Variants in ACO2 observed in about 807,000 individuals in gnomAD.
ACO2 encodes aconitate hydratase, mitochondrial.
A neutral mutation model predicts 84.5 loss-of-function variants in ACO2; 31 were observed. The ratio of observed to expected loss-of-function variants is 0.37; its 90% CI spans 0.28 to 0.50. The LOEUF is 0.50. ACO2 is among the 20% of genes least tolerant of loss of function. The pLI is 0.97. For synonymous variants in ACO2, 414 were observed against 412.7 expected (o/e 1.00, Z -0.04); for missense variants, 685 against 1,029.3 (o/e 0.67, Z 4.58).
At chr22:41,487,689 C>T (rs537776206) in intron 1 of ACO2, among the ~76,000 whole-genome samples, 1 of 152,026 alleles carries the variant, frequency 6.6e-6, no homozygotes, top group South Asian at 2.1e-4. Context: ...ATCTATACTT[C>T]TAGATGAATC....
chr22:41,520,089 G>A, intron 8 of ACO2, 82 bp from the exon 9 acceptor site: 1 of 1,229,148 alleles, frequency 8.1e-7, no homozygotes, highest in African/African-American at 1.5e-5. Flanking sequence ...GTGGGGACGT[G>A]GTGAGGCAGT....
chr22:41,515,572 G>A lies in ACO2; in HGVS notation c.684+37G>A, dbSNP rs770611238. ...GAGGGACTCATTCTGGGCTGGCTGT[G>A]GGGTGGTGGTTGGTGGGGATGAACG... On this transcript the variant is annotated intron_variant, in intron 5 of 17. Coordinates refer to ENST00000216254, the MANE Select transcript of ACO2 (RefSeq NM_001098.3). The surrounding 1 kb of genome is among the most constrained non-coding windows in gnomAD (Gnocchi z 5.8). 4 of 1,589,318 alleles carry A rather than the reference G, an allele frequency of 2.5e-6. 1 individual carries two copies. The Admixed American group carries it at 5.2e-5, about 21-fold the overall frequency.
At chr22:41,471,533 A>G (rs563397012) in intron 1 of ACO2, among the ~76,000 whole-genome samples, 1 of 152,268 alleles carries the variant, frequency 6.6e-6, no homozygotes, top group South Asian at 2.1e-4. Flanking sequence ...CTGAGCGCCC[A>G]ATGCTTGTTC....
At chr22:41,476,334 G>A (rs1260002227) in intron 1 of ACO2, among the ~76,000 whole-genome samples, 1 of 151,760 alleles carries the variant, frequency 6.6e-6, no homozygotes, top group Admixed American at 6.6e-5. Flanking sequence ...TTGAACCTGG[G>A]AGGCGGAGGT....
chr22:41,480,930 C>T (rs1354161811), intron 1 of ACO2, among the ~76,000 whole-genome samples: 1 of 152,114 alleles, frequency 6.6e-6, no homozygotes, highest in African/African-American at 2.4e-5. Flanking sequence ...ATTCTCCCAC[C>T]TCAGTCTCCT....
intron 1 of ACO2, among the ~76,000 whole-genome samples, chr22:41,474,661 C>T (rs1304513340): frequency 3.1e-5 from 4 of 130,700 alleles, no homozygotes; most frequent in South Asian, 5.1e-4. Context: ...TGCAGTGGCG[C>T]GATCTTGGCT....
chr22:41,513,098 G>T (rs1175216481), intron 4 of ACO2, among the ~76,000 whole-genome samples: 1 of 152,190 alleles, frequency 6.6e-6, no homozygotes, highest in Non-Finnish European at 1.5e-5. Flanking sequence ...GCGTGGAATG[G>T]CCGTTTGCAG....
rs1601919240 is a variant in ACO2 at position 41,517,444 on chromosome 22, T to TGAAGATGCA, written c.836-81_836-73dup. The TGAAGATGCA allele has an allele frequency of 8.5e-6, 9 of 1,060,770 alleles. No individual in the cohort carries two copies. In the East Asian group the frequency reaches 2.0e-4, roughly 24 times the overall value. The allele number at this position is 1,060,770 out of a possible 1,614,324, so 65.7% of individuals were successfully genotyped here. A position where few individuals can be genotyped will look rare whatever the true frequency, so the allele number is the denominator to read the frequency against. On this transcript the variant is annotated intron_variant, in intron 6 of 17. Transcript: ENST00000216254. ...GGAGAAGCAATGCAGCTCCCTGGTG[T>TGAAGATGCA]GAAGATGCAGGTGGCCGCGTAGCAG... is the stretch of plus-strand genomic sequence containing the variant.
At chr22:41,525,496 G>A (rs2066575264) in intron 14 of ACO2, 148 bp downstream of exon 14, 2 of 1,048,962 alleles carry the variant, frequency 1.9e-6, no homozygotes, top group African/African-American at 1.6e-5. Flanking sequence ...AGAGCAGAGA[G>A]GGTATCGCAA....
intron 1 of ACO2, among the ~76,000 whole-genome samples, chr22:41,482,030 C>T (rs1001762867): frequency 2.0e-5 from 3 of 152,200 alleles, no homozygotes; most frequent in Non-Finnish European, 2.9e-5. Flanking sequence ...GTTGTCATCT[C>T]GCCAGCAGCA....
rs966496107 is a variant in ACO2 at position 41,520,179 on chromosome 22, A to G, written c.1041A>G (p.Pro347=). ...CATGTTTGTTTCTTCAGCTGAAGCC[A>G]CACATCAATGGGCCCTTCACCCCTG... ...LIEINLSELK[P]HINGPFTPDL... is the part of the protein sequence containing the mutation. The change falls in exon 9 of 18, where the codon CCA becomes CCG. Residue 347 remains proline (P), a synonymous_variant. Coordinates refer to ENST00000216254, the MANE Select transcript of ACO2 (RefSeq NM_001098.3). 1 of 1,612,766 alleles carries G rather than the reference A, an allele frequency of 6.2e-7. No homozygotes were observed. Among genetic ancestry groups the G allele is most frequent in the South Asian group, 1.1e-5 (1 of 91,008 alleles).
At chr22:41,516,348 C>T (rs1484361578) in intron 6 of ACO2, among the ~76,000 whole-genome samples, 1 of 152,260 alleles carries the variant, frequency 6.6e-6, no homozygotes, top group Non-Finnish European at 1.5e-5. Context: ...TCGAGCCTCA[C>T]TCACTTCCCT....
intron 16 of ACO2, 21 bp downstream of exon 16, chr22:41,527,441 A>T (rs1457899049): frequency 6.3e-7 from 1 of 1,596,512 alleles, no homozygotes. Context: ...GTCTGTACCC[A>T]GGCCATCCTC....
In ACO2 at chr22:41,472,155, C is replaced by G. The variant is rs1429991415; in HGVS notation, c.36+2973C>G. ...GGATCACAAGGTCAGGAGTTCGAGACCAGCCTGGCCAATATGGTGAAACCC... is the reference window on the plus strand; with the variant it reads ...GGATCACAAGGTCAGGAGTTCGAGAGCAGCCTGGCCAATATGGTGAAACCC... On this transcript the variant is annotated intron_variant, in intron 1 of 17. Coordinates refer to ENST00000216254, the MANE Select transcript of ACO2 (RefSeq NM_001098.3). Among the ~76,000 whole-genome samples, 3 of 152,098 alleles carry G rather than the reference C, an allele frequency of 2.0e-5. No individual in the cohort carries two copies. In the East Asian group the frequency reaches 5.8e-4, roughly 29 times the overall value.
rs372545122 is a variant in ACO2 at position 41,510,101 on chromosome 22, G to A, written c.433-1775G>A. 2.6e-5 allele frequency among the ~76,000 whole-genome samples: 4 copies of A among 152,274 alleles called. No homozygotes were observed. The South Asian group carries it at 6.2e-4, about 24-fold the overall frequency. ...TCCACCCACCTCGGCCTCCCAAAGT[G>A]CTGGGATTATAGGTGTGAGCCACCA... On this transcript the variant is annotated intron_variant, in intron 3 of 17. Coordinates refer to ENST00000216254, the MANE Select transcript of ACO2 (RefSeq NM_001098.3).
intron 1 of ACO2, among the ~76,000 whole-genome samples, chr22:41,470,578 T>C (rs1214836833): frequency 7.2e-6 from 1 of 138,788 alleles, no homozygotes; most frequent in Non-Finnish European, 1.5e-5. Flanking sequence ...AGTCTTGCTC[T>C]GTCACCCAGG....
intron 1 of ACO2, among the ~76,000 whole-genome samples, chr22:41,480,593 C>G (rs58744979): frequency 3.3e-5 from 5 of 152,116 alleles, no homozygotes; most frequent in Admixed American, 3.3e-4. Flanking sequence ...TTCTCCCAGG[C>G]GAACTGAGTA....
chr22:41,523,712 A>C, intron 11 of ACO2, 118 bp from the exon 12 acceptor site: 1 of 946,910 alleles, frequency 1.1e-6, no homozygotes, highest in Non-Finnish European at 1.7e-6. Context: ...GGGCCTCTTC[A>C]TTTTCCCTCG....
At chr22:41,477,450 C>A (rs1324302324) in intron 1 of ACO2, among the ~76,000 whole-genome samples, 5 of 151,928 alleles carry the variant, frequency 3.3e-5, no homozygotes, top group Non-Finnish European at 4.4e-5. Context: ...TGAGCCACCG[C>A]ACCCGACCTC....
Sources: allele counts gnomAD v4.1 joint callset (sites outside exome capture counted in the v4.1 genomes callset), GRCh38; gene constraint gnomAD v4.1.1; non-coding constraint Gnocchi (gnomAD v3.1); transcripts MANE v1.5; gene names NCBI Gene and HGNC (gene_info 2026-07-23, HGNC 2026-07-21).